Variants in SNX13 observed in about 807,000 individuals in gnomAD.
SNX13 encodes the protein sorting nexin 13, also known as sorting nexin-13.
A neutral mutation model predicts 133.6 loss-of-function variants in SNX13; 45 were observed. The ratio of observed to expected loss-of-function variants is 0.34; its 90% CI spans 0.27 to 0.43. SNX13 has a LOEUF of 0.43. Ranked by LOEUF, SNX13 falls within the 20% of genes least tolerant of loss-of-function variation. The probability of loss-of-function intolerance (pLI) is 1.00; values close to 1 mark genes in which losing one functional copy is unlikely to be tolerated. For synonymous variants in SNX13, 414 were observed against 373.9 expected (o/e 1.11, Z -1.24); for missense variants, 1,032 against 1,145.1 (o/e 0.90, Z 1.43).
At chr7:17,866,549 T>G (rs1055885572) in intron 9 of SNX13, among the ~76,000 whole-genome samples, 1 of 151,872 alleles carries the variant, frequency 6.6e-6, no homozygotes, top group Non-Finnish European at 1.5e-5. Context: ...CAAAATAGAA[T>G]ATTATTCAGC....
intron 20 of SNX13, among the ~76,000 whole-genome samples, chr7:17,805,265 G>GCGCACGCA (rs771908159): frequency 2.1e-5 from 3 of 146,004 alleles, no homozygotes; most frequent in Non-Finnish European, 3.1e-5. Context: ...GCGCGCGCGC[G>GCGCACGCA]CATGCATGCA....
intron 18 of SNX13, among the ~76,000 whole-genome samples, chr7:17,819,937 A>C (rs1490183982): frequency 6.6e-6 from 1 of 152,062 alleles, no homozygotes; most frequent in South Asian, 2.1e-4. Flanking sequence ...GGAAACACCA[A>C]GTCAAAACAT....
At chr7:17,806,771 G>A (rs1404672313) in intron 20 of SNX13, among the ~76,000 whole-genome samples, 1 of 152,178 alleles carries the variant, frequency 6.6e-6, no homozygotes, top group Admixed American at 6.5e-5. Context: ...TCATCTCACT[G>A]GGACTAGTTA....
At chr7:17,813,181 G>A (rs1299256265) in intron 20 of SNX13, among the ~76,000 whole-genome samples, 1 of 151,956 alleles carries the variant, frequency 6.6e-6, no homozygotes, top group Non-Finnish European at 1.5e-5. Context: ...TTGTTGTTTG[G>A]TTAAAAAAAA....
At chr7:17,894,528 G>C (rs1052229313) in intron 2 of SNX13, among the ~76,000 whole-genome samples, 2 of 151,798 alleles carry the variant, frequency 1.3e-5, no homozygotes, top group African/African-American at 4.8e-5. Context: ...AATAAGGCTG[G>C]AATTAAGAAA....
chr7:17,852,376 A>G (rs1201688666), intron 9 of SNX13, among the ~76,000 whole-genome samples: 1 of 152,158 alleles, frequency 6.6e-6, no homozygotes, highest in Non-Finnish European at 1.5e-5. Context: ...CCGTCTCAAA[A>G]AGAAAAGAAA....
intron 5 of SNX13, among the ~76,000 whole-genome samples, chr7:17,879,191 T>G (rs1234584860): frequency 1.3e-5 from 2 of 152,226 alleles, no homozygotes; most frequent in African/African-American, 4.8e-5. Flanking sequence ...TCTGTTTTTT[T>G]GTTTGTTCAT....
chr7:17,894,120 T>C (rs895499501), intron 2 of SNX13, among the ~76,000 whole-genome samples: 5 of 151,408 alleles, frequency 3.3e-5, no homozygotes, highest in Non-Finnish European at 4.4e-5. Flanking sequence ...CTGACCAACA[T>C]GGTGAAACCC....
chr7:17,907,623 C>G (rs1302783220), intron 1 of SNX13, among the ~76,000 whole-genome samples: 1 of 152,100 alleles, frequency 6.6e-6, no homozygotes, highest in Non-Finnish European at 1.5e-5. Flanking sequence ...GCAACACCCC[C>G]CCTGAAAATA....
At chr7:17,915,110 T>TA (rs1210328677) in intron 1 of SNX13, among the ~76,000 whole-genome samples, 1 of 151,948 alleles carries the variant, frequency 6.6e-6, no homozygotes, top group Non-Finnish European at 1.5e-5. Context: ...CCAAAAACAC[T>TA]AAAAAAGGAC....
chr7:17,854,461 CTG>C (rs1333147635), intron 9 of SNX13, among the ~76,000 whole-genome samples: 7 of 152,308 alleles, frequency 4.6e-5, no homozygotes, highest in Admixed American at 3.9e-4. Flanking sequence ...ACACATCACA[CTG>C]TGTTTTTTTT....
chr7:17,869,473 T>C (rs1793790466), intron 8 of SNX13, among the ~76,000 whole-genome samples: 1 of 152,150 alleles, frequency 6.6e-6, no homozygotes, highest in Admixed American at 6.5e-5. Flanking sequence ...TATAAATTTA[T>C]GAACCCTAAT....
chr7:17,825,012 C>A (rs1410409648), intron 17 of SNX13, among the ~76,000 whole-genome samples: 1 of 152,132 alleles, frequency 6.6e-6, no homozygotes, highest in Non-Finnish European at 1.5e-5. Flanking sequence ...TCGTGATCCG[C>A]CTGCCTCAGC....
At chr7:17,805,839 A>T (rs1444178757) in intron 20 of SNX13, among the ~76,000 whole-genome samples, 1 of 152,188 alleles carries the variant, frequency 6.6e-6, no homozygotes, top group Admixed American at 6.5e-5. Flanking sequence ...TCCCCACCAA[A>T]AGGTAAAGCC....
At chr7:17,851,187 A>T (rs1791160344) in intron 9 of SNX13, among the ~76,000 whole-genome samples, 1 of 152,262 alleles carries the variant, frequency 6.6e-6, no homozygotes, top group African/African-American at 2.4e-5. Context: ...GAATAGGAAC[A>T]TGCTCACAGT....
At chr7:17,885,195 A>G (rs906333628) in intron 5 of SNX13, among the ~76,000 whole-genome samples, 3 of 152,118 alleles carry the variant, frequency 2.0e-5, no homozygotes, top group Non-Finnish European at 2.9e-5. Flanking sequence ...CACAACATGA[A>G]TGAACCTTGA....
chr7:17,909,156 C>A (rs1368933827), intron 1 of SNX13, among the ~76,000 whole-genome samples: 1 of 152,018 alleles, frequency 6.6e-6, no homozygotes, highest in Non-Finnish European at 1.5e-5. Context: ...ACATGAGATA[C>A]CATCTCACGC....
rs1562768319 is a variant in SNX13 at position 17,850,390 on chromosome 7, T to C, written c.1022A>G (p.Lys341Arg). 1.3e-6 allele frequency: 2 copies of C among 1,595,496 alleles called. No individual in the cohort carries two copies. The highest frequency in any genetic ancestry group is 8.5e-7 in the Non-Finnish European group (1 of 1,171,984). Reference sequence around the variant, plus strand: ...CTGTATTCTTGAGTCACATACCTTCTTTACGAATAGTAAGCTATTTATTTG... The same window carrying C: ...CTGTATTCTTGAGTCACATACCTTCCTTACGAATAGTAAGCTATTTATTTG... ...KNQINSLLFV[K>R]KVCDSRIQRL... Residue 341 changes from lysine to arginine, a missense_variant, in exon 11 of 26, where the codon AAG becomes AGG. Transcript: ENST00000428135.
intron 13 of SNX13, among the ~76,000 whole-genome samples, chr7:17,839,145 A>G (rs1248667970): frequency 6.7e-6 from 1 of 149,528 alleles, no homozygotes; most frequent in Admixed American, 6.7e-5. Context: ...TAATCTATAC[A>G]ATCATATTAC....
Sources: allele counts gnomAD v4.1 joint callset (sites outside exome capture counted in the v4.1 genomes callset), GRCh38; gene constraint gnomAD v4.1.1; transcripts MANE v1.5; gene names NCBI Gene and HGNC (gene_info 2026-07-23, HGNC 2026-07-21).